Variants in JMY observed in about 807,000 individuals in gnomAD.
JMY encodes junction mediating and regulatory protein, p53 cofactor, also known as junction-mediating and -regulatory protein.
In JMY, 46 loss-of-function variants were observed where a neutral mutation model predicts 103.3. That is an observed-to-expected ratio of 0.45 (90% CI 0.35 to 0.57). The LOEUF is 0.57. Among genes scored for constraint, JMY ranks in the 20% least tolerant of loss-of-function variants. The probability of loss-of-function intolerance (pLI) is 0.00; values close to 1 mark genes in which losing one functional copy is unlikely to be tolerated. For missense variants in JMY, 1,238 were observed against 1,255.2 expected (o/e 0.99, Z 0.21); for synonymous variants, 526 against 489.3 (o/e 1.07, Z -0.99).
intron 1 of JMY, among the ~76,000 whole-genome samples, chr5:79,243,646 C>G (rs183360529): frequency 1.3e-5 from 2 of 152,276 alleles, no homozygotes; most frequent in East Asian, 1.9e-4. Context: ...TTGCAAACTG[C>G]TCTTTTACTG....
chr5:79,300,656 T>A lies in JMY; in HGVS notation c.1694-20T>A. 1 of 1,571,542 alleles carries A rather than the reference T, an allele frequency of 6.4e-7. No individual in the cohort carries two copies. Among genetic ancestry groups the A allele is most frequent in the Non-Finnish European group, 8.6e-7 (1 of 1,163,734 alleles). The stretch of plus-strand genomic sequence containing the variant: ...AGCCCATATTCTTTACCACTACTCT[T>A]TTTTGCTGTTCTGTAACAGAAAAAA... On this transcript the variant is annotated intron_variant, in intron 5 of 10. Transcript: ENST00000396137.
rs367730667 is a variant in JMY, at chr5:79,315,830, A to C, written c.2660-170A>C. Among the ~76,000 whole-genome samples, 8 of 152,352 alleles carry C rather than the reference A, an allele frequency of 5.3e-5. No homozygotes were observed. The East Asian group carries it at 1.2e-3, about 22-fold the overall frequency. On this transcript the variant is annotated intron_variant, in intron 9 of 10. Transcript: ENST00000396137. ...TTGGGATTTTCTAAAAAGAAGGATA[A>C]TTAGGATCCCTTGTGTTCTGATCAC...
rs570546584 is a variant in JMY, at chr5:79,236,303, C to G, written c.-348C>G. On this transcript the variant is annotated 5_prime_UTR_variant, in exon 1 of 11. Transcript: ENST00000396137. ...CGGCCTGACCCCGCGGGACCCGCGC[C>G]TCACCACCGGAGCGCCGCAGACGCA... 5.3e-6 allele frequency: 1 copy of G among 189,784 alleles called. No homozygotes were observed. Among genetic ancestry groups the G allele is most frequent in the Admixed American group, 6.2e-5 (1 of 16,176 alleles). 11.8% of individuals were successfully genotyped at this position (189,784 alleles called of 1,614,324 possible).
intron 7 of JMY, among the ~76,000 whole-genome samples, chr5:79,311,780 T>C (rs543123146): frequency 3.9e-5 from 6 of 152,218 alleles, no homozygotes; most frequent in Admixed American, 6.5e-5. Context: ...AATATTTTTC[T>C]AACTGCTGGT....
At chr5:79,284,164 C>G in intron 2 of JMY, 1 of 1,568,662 alleles carries the variant, frequency 6.4e-7, no homozygotes, top group Non-Finnish European at 8.6e-7. Context: ...GGTTCAAAAC[C>G]ATCAGCTCGT....
At chr5:79,318,608 C>T (rs1747319030) in intron 10 of JMY, among the ~76,000 whole-genome samples, 2 of 152,040 alleles carry the variant, frequency 1.3e-5, no homozygotes, top group Admixed American at 6.6e-5. Flanking sequence ...TCAGTAGTAG[C>T]ATTATCCTGC....
chr5:79,250,650 CTTTT>C (rs200738584), intron 1 of JMY, among the ~76,000 whole-genome samples: 2 of 122,730 alleles, frequency 1.6e-5, no homozygotes, highest in Non-Finnish European at 3.5e-5. Context: ...AATTATTTTT[CTTTT>C]TTTTTTTTTT....
At chr5:79,260,558 T>G (rs1362661822) in intron 1 of JMY, among the ~76,000 whole-genome samples, 4 of 129,214 alleles carry the variant, frequency 3.1e-5, no homozygotes, top group East Asian at 4.1e-4. Context: ...TTTTTGTGGG[T>G]TTTTTTTTTT....
intron 1 of JMY, among the ~76,000 whole-genome samples, chr5:79,264,703 C>T (rs1322653976): frequency 6.6e-6 from 1 of 152,178 alleles, no homozygotes; most frequent in Non-Finnish European, 1.5e-5. Context: ...TTTTGTCACT[C>T]TGTGCCTGCC....
At chr5:79,310,606 T>G (rs1468036233) in intron 7 of JMY, among the ~76,000 whole-genome samples, 1 of 152,170 alleles carries the variant, frequency 6.6e-6, no homozygotes, top group Non-Finnish European at 1.5e-5. Context: ...AAATACAGAT[T>G]CTTAGATGTT....
At chr5:79,279,316 A>G (rs1746042048) in intron 2 of JMY, among the ~76,000 whole-genome samples, 1 of 152,194 alleles carries the variant, frequency 6.6e-6, no homozygotes, top group African/African-American at 2.4e-5. Flanking sequence ...CCTGGGCGAC[A>G]CAGCAAGACT....
In JMY at chr5:79,270,339, T is replaced by C. The variant is rs533698773; in HGVS notation, c.1033-7571T>C. On this transcript the variant is annotated intron_variant, in intron 1 of 10. Coordinates refer to ENST00000396137, the MANE Select transcript of JMY (RefSeq NM_152405.5). ...TATATATTTACATAAATATTTAAAA[T>C]ATATATTTACATAAATATTTAAAAT... 2.8e-3 allele frequency among the ~76,000 whole-genome samples: 269 copies of C among 96,732 alleles called. 4 individuals carry two copies. The highest frequency in any genetic ancestry group is 8.7e-3 in the African/African-American group (255 of 29,238). 63.5% of individuals were successfully genotyped at this position (96,732 alleles called of 152,430 possible).
At chr5:79,257,727 T>TAG (rs1227855523) in intron 1 of JMY, among the ~76,000 whole-genome samples, 2 of 152,190 alleles carry the variant, frequency 1.3e-5, no homozygotes, top group African/African-American at 4.8e-5. Flanking sequence ...TCATGCCCCT[T>TAG]AAAGTGCATT....
At chr5:79,260,157 A>G (rs1561293375) in intron 1 of JMY, among the ~76,000 whole-genome samples, 1 of 152,162 alleles carries the variant, frequency 6.6e-6, no homozygotes, top group Non-Finnish European at 1.5e-5. Flanking sequence ...CTGGCCTCAC[A>G]AGTCCTAGCT....
Position 79,265,534 on chromosome 5 carries a change from C to G in JMY, c.1033-12376C>G, listed in dbSNP as rs1039501266. Reference sequence around the variant, plus strand: ...GACCATACTTTGAGTAGCAAGGTACCGTCACTTTGATATGGCCATTTAGTT... The same window carrying G: ...GACCATACTTTGAGTAGCAAGGTACGGTCACTTTGATATGGCCATTTAGTT... On this transcript the variant is annotated intron_variant, in intron 1 of 10. Coordinates refer to ENST00000396137, the MANE Select transcript of JMY (RefSeq NM_152405.5). Among the ~76,000 whole-genome samples, 4 of 151,798 alleles carry G rather than the reference C, an allele frequency of 2.6e-5. No homozygotes were observed. The South Asian group carries it at 6.2e-4, about 24-fold the overall frequency.
chr5:79,281,397 G>A (rs376088432), intron 2 of JMY, among the ~76,000 whole-genome samples: 4 of 46,572 alleles, frequency 8.6e-5, no homozygotes, highest in African/African-American at 1.7e-4. Flanking sequence ...AAACCTTTTT[G>A]TTAAAAACTG....
intron 7 of JMY, among the ~76,000 whole-genome samples, chr5:79,312,186 A>G (rs1747067126): frequency 6.6e-6 from 1 of 152,154 alleles, no homozygotes; most frequent in African/African-American, 2.4e-5. Context: ...GAAGTATTTT[A>G]CACTAAAACT....
Position 79,312,368 on chromosome 5 carries a change from AC to A in JMY, c.1969-34del. The A allele has an allele frequency of 3.2e-6, 4 of 1,257,354 alleles. No homozygotes were observed. The East Asian group carries it at 9.8e-5, about 31-fold the overall frequency. The allele number at this position is 1,257,354 out of a possible 1,614,324, so 77.9% of individuals were successfully genotyped here. On this transcript the variant is annotated intron_variant, in intron 7 of 10. Coordinates refer to ENST00000396137, the MANE Select transcript of JMY (RefSeq NM_152405.5). ...TCCTATTAATGATAAAAATTGGGACACAGCATAATGGAATTATTATTAATTT... is the reference window on the plus strand; with the variant it reads ...TCCTATTAATGATAAAAATTGGGACAAGCATAATGGAATTATTATTAATTT...
rs766421070 is a variant in JMY, at chr5:79,315,987, T to C, written c.2660-13T>C. ...GTCCTAACTGTAATACTGTTCTGTT[T>C]CATTTTCCAAAGTGAGCTCACCCAT... is the stretch of plus-strand genomic sequence containing the variant. On this transcript the variant is annotated splice_polypyrimidine_tract_variant and intron_variant, in intron 9 of 10. Coordinates refer to ENST00000396137, the MANE Select transcript of JMY (RefSeq NM_152405.5). The C allele has an allele frequency of 6.2e-7, 1 of 1,610,600 alleles. No homozygotes were observed. The highest frequency in any genetic ancestry group is 1.1e-5 in the South Asian group (1 of 90,560).
Sources: gnomAD v4.1 joint callset for allele counts (sites outside exome capture counted in the v4.1 genomes callset) on GRCh38, gnomAD v4.1.1 for gene constraint, MANE v1.5 for transcripts, NCBI Gene and HGNC (gene_info 2026-07-23, HGNC 2026-07-21) for gene names.